Variants in RALA observed in about 807,000 individuals in gnomAD.
RALA encodes the protein ras-related protein Ral-A.
In RALA, 5 loss-of-function variants were observed where a neutral mutation model predicts 24.0. The observed-to-expected ratio is 0.21, with a 90% CI of 0.11 to 0.44. The LOEUF is 0.44. RALA is among the 20% of genes least tolerant of loss of function. RALA has a pLI of 0.99. For missense variants in RALA, 95 were observed against 241.2 expected (o/e 0.39, Z 4.01); for synonymous variants, 77 against 83.8 (o/e 0.92, Z 0.44).
chr7:39,642,719 T>G (rs1270770795), intron 1 of RALA, among the ~76,000 whole-genome samples: 2 of 152,236 alleles, frequency 1.3e-5, no homozygotes. Context: ...GTGACTTCTC[T>G]TTATTCCTTG....
At chr7:39,649,649 C>T (rs890415078) in intron 1 of RALA, among the ~76,000 whole-genome samples, 3 of 152,126 alleles carry the variant, frequency 2.0e-5, no homozygotes, top group African/African-American at 7.2e-5. Context: ...ACTTCTAGGC[C>T]ACAGAACTAT....
chr7:39,679,593 G>A (rs1792550825), intron 1 of RALA, among the ~76,000 whole-genome samples: 4 of 152,188 alleles, frequency 2.6e-5, no homozygotes, highest in Admixed American at 2.6e-4. Context: ...GACTAGTCAA[G>A]TGCAGTAGTG....
intron 3 of RALA, among the ~76,000 whole-genome samples, chr7:39,694,480 A>C (rs1410565974): frequency 6.6e-6 from 1 of 152,148 alleles, no homozygotes; most frequent in Non-Finnish European, 1.5e-5. Context: ...TGTGTCTCTG[A>C]GCAAGTTAAC....
chr7:39,660,277 C>T (rs1053976079), intron 1 of RALA, among the ~76,000 whole-genome samples: 1 of 150,848 alleles, frequency 6.6e-6, no homozygotes, highest in Non-Finnish European at 1.5e-5. Flanking sequence ...ACCCAGGAGG[C>T]AGAGGTTGCA....
intron 1 of RALA, among the ~76,000 whole-genome samples, chr7:39,673,793 T>TTA (rs1407735221): frequency 6.6e-6 from 1 of 152,042 alleles, no homozygotes; most frequent in African/African-American, 2.4e-5. Context: ...ACTCCTGATG[T>TTA]TAATGGAAGT....
chr7:39,641,445 A>G (rs1173299453), intron 1 of RALA, among the ~76,000 whole-genome samples: 1 of 152,196 alleles, frequency 6.6e-6, no homozygotes, highest in Non-Finnish European at 1.5e-5. Flanking sequence ...TAACAACTTG[A>G]TAATTGTGGC....
At chr7:39,696,662 C>A in intron 3 of RALA, 23 bp from the exon 4 acceptor site, 1 of 1,549,440 alleles carries the variant, frequency 6.5e-7, no homozygotes, top group Non-Finnish European at 8.8e-7. Context: ...GTTAATATTT[C>A]TTTTTCATTT....
intron 1 of RALA, among the ~76,000 whole-genome samples, chr7:39,652,215 C>G (rs1272197027): frequency 1.3e-5 from 2 of 152,108 alleles, no homozygotes; most frequent in Admixed American, 1.3e-4. Context: ...ATAAGGGCAC[C>G]AATCCCACCC....
chr7:39,650,809 A>G (rs895947022), intron 1 of RALA, among the ~76,000 whole-genome samples: 4 of 152,376 alleles, frequency 2.6e-5, no homozygotes, highest in Middle Eastern at 3.4e-3. Flanking sequence ...GGCTGCAATC[A>G]AAGTGTCAGC....
intron 4 of RALA, among the ~76,000 whole-genome samples, chr7:39,701,579 A>G (rs779391601): frequency 9.2e-5 from 14 of 152,236 alleles, no homozygotes; most frequent in Non-Finnish European, 1.3e-4. Context: ...ATCCACTACT[A>G]GAAGCCTGAT....
chr7:39,685,239 A>G (rs1313332822), intron 1 of RALA, among the ~76,000 whole-genome samples: 2 of 152,252 alleles, frequency 1.3e-5, no homozygotes, highest in Non-Finnish European at 2.9e-5. Context: ...GGAGTTAGCC[A>G]GATGGAATAA....
intron 1 of RALA, among the ~76,000 whole-genome samples, chr7:39,660,327 C>T (rs1170798377): frequency 6.7e-6 from 1 of 148,434 alleles, no homozygotes; most frequent in Non-Finnish European, 1.5e-5. Context: ...GCTGGGGCAA[C>T]AGAGACTCCA....
intron 4 of RALA, among the ~76,000 whole-genome samples, chr7:39,698,647 G>A (rs985357363): frequency 2.6e-5 from 4 of 152,170 alleles, no homozygotes; most frequent in African/African-American, 9.6e-5. Context: ...TTTCGAGTAG[G>A]TTGTAGAACA....
Position 39,683,504 on chromosome 7 carries a change from A to G in RALA, c.-37-3127A>G, listed in dbSNP as rs557880985. On this transcript the variant is annotated intron_variant, in intron 1 of 4. Transcript: ENST00000005257. ...ACTAATGGTATTTGCTTATTTGTGT[A>G]TGTGTTTGTCTTAAGTTCCACATAG... Among the ~76,000 whole-genome samples, 5 of 152,030 alleles carry G rather than the reference A, an allele frequency of 3.3e-5. No individual in the cohort carries two copies. The South Asian group carries it at 8.3e-4, about 25-fold the overall frequency.
chr7:39,681,850 C>T lies in RALA; in HGVS notation c.-37-4781C>T, dbSNP rs140327444. 1.9e-3 allele frequency among the ~76,000 whole-genome samples: 294 copies of T among 152,266 alleles called. 1 individual carries two copies. The highest frequency in any genetic ancestry group is 6.7e-3 in the African/African-American group (277 of 41,542). On this transcript the variant is annotated intron_variant, in intron 1 of 4. Coordinates refer to ENST00000005257, the MANE Select transcript of RALA (RefSeq NM_005402.4). ...TCTTGTTCAACTCTAGTTGAAATGT[C>T]TAATGTGCAAGCAGAGCTTGGGATT...
chr7:39,677,322 G>A (rs561231375), intron 1 of RALA, among the ~76,000 whole-genome samples: 13 of 150,950 alleles, frequency 8.6e-5, no homozygotes, highest in Non-Finnish European at 1.5e-4. Context: ...TTTTGTTCTT[G>A]CGATAGTTTA....
chr7:39,644,879 ACTTTTC>A (rs1252636121), intron 1 of RALA, among the ~76,000 whole-genome samples: 2 of 152,224 alleles, frequency 1.3e-5, no homozygotes, highest in African/African-American at 4.8e-5. Context: ...AAAGTAGTAA[ACTTTTC>A]TATGCCTTTA....
At chr7:39,630,701 CA>C (rs1299262335) in intron 1 of RALA, among the ~76,000 whole-genome samples, 2 of 152,080 alleles carry the variant, frequency 1.3e-5, no homozygotes, top group East Asian at 3.8e-4. Context: ...ATAAGGAATG[CA>C]TCTAATTTTA....
At chr7:39,626,810 T>G (rs937527791) in intron 1 of RALA, among the ~76,000 whole-genome samples, 1 of 152,208 alleles carries the variant, frequency 6.6e-6, no homozygotes, top group Non-Finnish European at 1.5e-5. Context: ...GTTCTTTCAC[T>G]AATGGAAATG....
Sources: allele counts gnomAD v4.1 joint callset (sites outside exome capture counted in the v4.1 genomes callset), GRCh38; gene constraint gnomAD v4.1.1; transcripts MANE v1.5; gene names NCBI Gene and HGNC (gene_info 2026-07-23, HGNC 2026-07-21).